The following SCAI variants were observed in gnomAD, a reference collection of about 807,000 sequenced individuals.
SCAI encodes protein SCAI.
SCAI carries 24 observed loss-of-function variants against 92.2 expected under a neutral mutation model. That is an observed-to-expected ratio of 0.26 (90% CI 0.19 to 0.37). SCAI has a LOEUF of 0.37. Among genes scored for constraint, SCAI ranks in the 10% least tolerant of loss-of-function variants. The pLI, the probability that SCAI is intolerant of heterozygous loss-of-function variation, is 1.00. For missense variants in SCAI, 450 were observed against 736.2 expected, an observed-to-expected ratio of 0.61 and a Z score of 4.50; for synonymous variants, 261 against 258.6, an observed-to-expected ratio of 1.01 and a Z score of -0.09.
At chr9:124,996,905 C>T (rs531859830) in intron 13 of SCAI, among the ~76,000 whole-genome samples, 7 of 152,308 alleles carry the variant, frequency 4.6e-5, no homozygotes, top group African/African-American at 1.2e-4. Flanking sequence ...GCTGACATTA[C>T]AGGCCTGAGC....
At chr9:124,988,153 A>G (rs555935976) in intron 14 of SCAI, among the ~76,000 whole-genome samples, 1 of 152,154 alleles carries the variant, frequency 6.6e-6, no homozygotes, top group East Asian at 1.9e-4. Context: ...GAATAGTTGC[A>G]TCTTCTCTGA....
At chr9:125,117,665 C>CAAAAA (rs372964615) in intron 2 of SCAI, among the ~76,000 whole-genome samples, 11 of 45,220 alleles carry the variant, frequency 2.4e-4, no homozygotes, top group South Asian at 1.4e-3. Flanking sequence ...GACTCCATCT[C>CAAAAA]AAAAAAAAAA....
At chr9:125,110,989 T>C (rs983264186) in intron 2 of SCAI, among the ~76,000 whole-genome samples, 1 of 152,166 alleles carries the variant, frequency 6.6e-6, no homozygotes, top group Admixed American at 6.6e-5. Context: ...TGCAAACTTT[T>C]CTAGAGAAAA....
chr9:125,108,201 G>A (rs1164889891), intron 2 of SCAI, among the ~76,000 whole-genome samples: 35 of 152,314 alleles, frequency 2.3e-4, no homozygotes, highest in African/African-American at 7.2e-4. Context: ...CCTCCCAGCC[G>A]CCTGCCTTGG....
chr9:124,976,259 C>G, intron 14 of SCAI, 73 bp from the exon 15 acceptor site: 9 of 1,112,088 alleles, frequency 8.1e-6, no homozygotes, highest in Non-Finnish European at 1.2e-5. Context: ...TTTTCCAAAG[C>G]ATATTTTTAG....
intron 17 of SCAI, chr9:124,971,128 C>CT (rs1831649843): frequency 4.3e-6 from 1 of 232,188 alleles, no homozygotes; most frequent in Admixed American, 5.6e-5. Flanking sequence ...AAATGTTCTA[C>CT]TTTTAAACAA....
At chr9:125,001,148 C>T (rs1832353071) in intron 12 of SCAI, among the ~76,000 whole-genome samples, 1 of 152,088 alleles carries the variant, frequency 6.6e-6, no homozygotes, top group African/African-American at 2.4e-5. Flanking sequence ...TTAAAAAAAT[C>T]ACTGCAATGA....
chr9:125,028,278 C>G, intron 5 of SCAI, 114 bp downstream of exon 5: 1 of 614,390 alleles, frequency 1.6e-6, no homozygotes, highest in Non-Finnish European at 2.8e-6. Flanking sequence ...ACTAGAGTTT[C>G]ATTTGTAACT....
chr9:125,136,769 C>CT (rs796469701), intron 2 of SCAI, among the ~76,000 whole-genome samples: 3,649 of 118,938 alleles, frequency 0.031, 116 homozygotes, highest in African/African-American at 0.085. Context: ...ACTAATACCA[C>CT]TTTTTTTTTT....
At chr9:125,004,604 C>G (rs1832435255) in intron 9 of SCAI, among the ~76,000 whole-genome samples, 1 of 150,526 alleles carries the variant, frequency 6.6e-6, no homozygotes, top group African/African-American at 2.4e-5. Context: ...GCTAGGAATA[C>G]AGGCATAAGC....
In SCAI at chr9:125,091,082, A is replaced by T. The variant is rs1482196117; in HGVS notation, c.99-35075T>A. Reference sequence around the variant, plus strand: ...CAGTGAGCTGAGATCGCGCCACTGCACTCCAGCCTGGGTGACAAAGCGAGA... The same window carrying T: ...CAGTGAGCTGAGATCGCGCCACTGCTCTCCAGCCTGGGTGACAAAGCGAGA... On this transcript the variant is annotated intron_variant, in intron 2 of 17. Coordinates refer to ENST00000336505, the MANE Select transcript of SCAI (RefSeq NM_001144877.3). This position sits in a 1 kb window ranked among gnomAD's most constrained non-coding sequence, Gnocchi z 4.3. Among the ~76,000 whole-genome samples the T allele has an allele frequency of 6.6e-6, 1 of 152,124 alleles. No individual in the cohort carries two copies. The highest frequency in any genetic ancestry group is 6.6e-5 in the Admixed American group (1 of 15,266).
intron 8 of SCAI, 60 bp from the exon 9 acceptor site, chr9:125,019,011 G>A (rs1384412347): frequency 6.4e-7 from 1 of 1,557,068 alleles, no homozygotes; most frequent in Non-Finnish European, 8.8e-7. Flanking sequence ...AATAGAGTAA[G>A]CTATTCCTTC....
intron 2 of SCAI, among the ~76,000 whole-genome samples, chr9:125,108,594 G>A (rs1391473650): frequency 1.2e-3 from 132 of 106,866 alleles, no homozygotes; most frequent in Non-Finnish European, 1.1e-3. Flanking sequence ...CCCTCCGCCC[G>A]GCAGCCGCCC....
At chr9:125,062,875 C>T (rs1833796894) in intron 2 of SCAI, among the ~76,000 whole-genome samples, 1 of 151,474 alleles carries the variant, frequency 6.6e-6, no homozygotes. Flanking sequence ...CAAAAATTAG[C>T]TGGGCATGGT....
intron 2 of SCAI, among the ~76,000 whole-genome samples, chr9:125,138,422 A>ATT (rs1472763859): frequency 1.4e-5 from 2 of 142,788 alleles, no homozygotes. Flanking sequence ...CGCCCAGCCA[A>ATT]TTTTTTTTTT....
intron 11 of SCAI, 103 bp from the exon 12 acceptor site, chr9:125,002,146 T>C (rs1443786321): frequency 2.3e-5 from 18 of 796,940 alleles, no homozygotes; most frequent in African/African-American, 6.8e-5. Context: ...TAAATAAGAA[T>C]GCACTGTTGT....
chr9:125,114,464 A>G (rs1834995835), intron 2 of SCAI, among the ~76,000 whole-genome samples: 1 of 152,214 alleles, frequency 6.6e-6, no homozygotes, highest in African/African-American at 2.4e-5. Flanking sequence ...GCTGGCAAGG[A>G]AAGAAACTGG....
chr9:125,081,769 T>G (rs1227744208), intron 2 of SCAI, among the ~76,000 whole-genome samples: 1 of 151,720 alleles, frequency 6.6e-6, no homozygotes, highest in African/African-American at 2.4e-5. Context: ...GAGAGGGAGG[T>G]TCACCATGTT....
At chr9:125,070,552 C>T (rs949387338) in intron 2 of SCAI, among the ~76,000 whole-genome samples, 1 of 151,964 alleles carries the variant, frequency 6.6e-6, no homozygotes, top group Non-Finnish European at 1.5e-5. Context: ...GCACCTGCCA[C>T]CAAACCCAAC....
Sources: allele counts gnomAD v4.1 joint callset (sites outside exome capture counted in the v4.1 genomes callset), GRCh38; gene constraint gnomAD v4.1.1; non-coding constraint Gnocchi (gnomAD v3.1); transcripts MANE v1.5; gene names NCBI Gene and HGNC (gene_info 2026-07-23, HGNC 2026-07-21).